The following SAMSN1 variants were observed in gnomAD, a reference collection of about 807,000 sequenced individuals.
SAMSN1 encodes the protein SAM domain-containing protein SAMSN-1.
SAMSN1 carries 31 observed loss-of-function variants against 42.0 expected under a neutral mutation model. The observed-to-expected ratio is 0.74, with a 90% CI of 0.55 to 1.00. SAMSN1 has a LOEUF of 1.00. Ranked by LOEUF, SAMSN1 falls within the 50% of genes least tolerant of loss-of-function variation. The pLI is 0.00. For missense variants in SAMSN1, 464 were observed against 439.4 expected (o/e 1.06, Z -0.50); for synonymous variants, 178 against 151.9 (o/e 1.17, Z -1.26).
intron 2 of SAMSN1, among the ~76,000 whole-genome samples, chr21:14,616,954 G>A (rs532687938): frequency 5.9e-5 from 9 of 152,136 alleles, no homozygotes; most frequent in Admixed American, 5.2e-4. Context: ...GATCGAAGGG[G>A]CCATTTATCT....
At chr21:14,623,197 AG>A (rs1460974241) in intron 2 of SAMSN1, among the ~76,000 whole-genome samples, 3 of 152,244 alleles carry the variant, frequency 2.0e-5, no homozygotes, top group Non-Finnish European at 2.9e-5. Flanking sequence ...AATGCTAGGA[AG>A]AAACTGCATC....
intron 2 of SAMSN1, among the ~76,000 whole-genome samples, chr21:14,620,002 A>C (rs1408035126): frequency 6.6e-6 from 1 of 151,538 alleles, no homozygotes; most frequent in Non-Finnish European, 1.5e-5. Context: ...ATCTTCTTAG[A>C]TTTTATGGCC....
intron 1 of SAMSN1, among the ~76,000 whole-genome samples, chr21:14,529,207 A>T (rs1415530299): frequency 1.3e-5 from 2 of 152,138 alleles, no homozygotes; most frequent in Non-Finnish European, 2.9e-5. Flanking sequence ...CACCTACTCA[A>T]ACCCAGCCCA....
In SAMSN1 at chr21:14,644,705, C is replaced by A. The variant is rs144261951; in HGVS notation, c.25-1572G>T. 3.1e-3 allele frequency among the ~76,000 whole-genome samples: 475 copies of A among 152,270 alleles called. 4 individuals are homozygous for A. The highest frequency in any genetic ancestry group is 0.011 in the African/African-American group (455 of 41,550). ...AGCACAGCCACATGGGGGTAGAGCA[C>A]TGACTGGGCTCTTGTAATCTCTTAT... On this transcript the variant is annotated intron_variant, in intron 1 of 15. Coordinates refer to the SAMSN1 transcript ENST00000647101.
chr21:14,610,738 G>T (rs978897727), intron 4 of SAMSN1, among the ~76,000 whole-genome samples: 1 of 152,098 alleles, frequency 6.6e-6, no homozygotes, highest in Admixed American at 6.5e-5. Flanking sequence ...TTGAATTATC[G>T]GTGGCGGGTT....
chr21:14,514,499 T>A lies in SAMSN1; in HGVS notation c.280-1926A>T, dbSNP rs560500889. On this transcript the variant is annotated intron_variant, in intron 3 of 7. Coordinates refer to ENST00000400566, the MANE Select transcript of SAMSN1 (RefSeq NM_022136.5). The stretch of plus-strand genomic sequence containing the variant: ...AGCAATTAGGGGATTATGATAGTAA[T>A]CCAGGAAAGAAAGGTTGGTTATTTA... Among the ~76,000 whole-genome samples the A allele has an allele frequency of 5.9e-5, 9 of 152,254 alleles. No homozygotes were observed. The South Asian group carries it at 1.9e-3, about 32-fold the overall frequency.
At position 14,498,516 on chromosome 21, in the gene SAMSN1, A is replaced by T. The variant is rs1451579573; in HGVS notation, c.845T>A (p.Ile282Asn). Reference sequence around the variant, plus strand: ...ATCTGGGTTTTCAATATTTAATTCAATGAGGTGACTCTCTTTTATATCTTT... The same window carrying T: ...ATCTGGGTTTTCAATATTTAATTCATTGAGGTGACTCTCTTTTATATCTTT... ...DLKDIKESHL[I>N]ELNIENPDDR... The change falls in exon 7 of 8, where the codon ATT becomes AAT. Residue 282 changes from isoleucine (I) to asparagine (N), a missense_variant. By Grantham distance (149) the Ile-to-Asn change is moderately radical. Transcript: ENST00000400566. The T allele has an allele frequency of 1.2e-6, 2 of 1,610,458 alleles. No individual in the cohort carries two copies. The highest frequency in any genetic ancestry group is 2.7e-5 in the African/African-American group (2 of 74,648).
chr21:14,595,615 C>T (rs758712195), intron 6 of SAMSN1, among the ~76,000 whole-genome samples: 5 of 152,044 alleles, frequency 3.3e-5, no homozygotes, highest in African/African-American at 4.8e-5. Flanking sequence ...TTATGACAAT[C>T]GCAAGAAGTT....
chr21:14,638,215 T>C (rs1323578984), intron 2 of SAMSN1, among the ~76,000 whole-genome samples: 4 of 152,216 alleles, frequency 2.6e-5, no homozygotes, highest in South Asian at 4.1e-4. Flanking sequence ...CCGGTAGCCA[T>C]GTTAAAGGAA....
At chr21:14,526,540 A>C (rs116953950) in intron 1 of SAMSN1, among the ~76,000 whole-genome samples, 1,732 of 152,340 alleles carry the variant, frequency 0.011, 17 homozygotes, top group Non-Finnish European at 0.018. Context: ...TTGCAAAACA[A>C]TCTTAATTAT....
intron 5 of SAMSN1, among the ~76,000 whole-genome samples, chr21:14,605,480 T>C (rs987584455): frequency 6.6e-6 from 1 of 152,216 alleles, no homozygotes; most frequent in Non-Finnish European, 1.5e-5. Context: ...TTTCTAAAAT[T>C]AAATGTGTGT....
At chr21:14,641,109 T>C (rs1191321590) in intron 2 of SAMSN1, among the ~76,000 whole-genome samples, 2 of 152,158 alleles carry the variant, frequency 1.3e-5, no homozygotes, top group East Asian at 3.8e-4. Context: ...ATTTGCATTG[T>C]CAATTGACAG....
At chr21:14,486,188 A>G in intron 7 of SAMSN1, 74 bp from the exon 8 acceptor site, 1 of 992,050 alleles carries the variant, frequency 1.0e-6, no homozygotes, top group Middle Eastern at 2.3e-4. Context: ...TTCACTTTCA[A>G]GTATTATCCT....
chr21:14,645,363 A>G (rs897944230), intron 1 of SAMSN1, among the ~76,000 whole-genome samples: 1 of 152,220 alleles, frequency 6.6e-6, no homozygotes, highest in Non-Finnish European at 1.5e-5. Flanking sequence ...AGAGAACAAG[A>G]GTCTCTGACT....
chr21:14,595,290 C>G (rs1429042424), intron 6 of SAMSN1, among the ~76,000 whole-genome samples: 1 of 152,090 alleles, frequency 6.6e-6, no homozygotes, highest in Non-Finnish European at 1.5e-5. Flanking sequence ...CATGAGGGCC[C>G]TCATGAATGG....
At chr21:14,590,869 A>C (rs1300666429) in intron 7 of SAMSN1, among the ~76,000 whole-genome samples, 13 of 152,204 alleles carry the variant, frequency 8.5e-5, no homozygotes. Context: ...TATTCTAAAA[A>C]GATAATTTTT....
Position 14,582,558 on chromosome 21 carries a change from T to C in SAMSN1, c.-92-70A>G. On this transcript the variant is annotated intron_variant, in intron 1 of 8. Transcript: ENST00000285670. ...CACATATAGGAATTATTCTTCCATT[T>C]ATATAAGAGAAATAAATACACTGCA... The C allele has an allele frequency of 8.1e-6, 5 of 617,540 alleles. No homozygotes were observed. In the South Asian group the frequency reaches 1.2e-4, roughly 15 times the overall value. 38.3% of individuals were successfully genotyped at this position (617,540 alleles called of 1,614,324 possible).
upstream of SAMSN1, chr21:14,658,861 T>C: frequency 2.9e-6 from 2 of 699,216 alleles, no homozygotes; most frequent in Non-Finnish European, 5.3e-6. Flanking sequence ...GTTTGGCCAG[T>C]TCTCATGGGA....
At chr21:14,537,926 T>G (rs569816773) in intron 1 of SAMSN1, among the ~76,000 whole-genome samples, 111 of 152,286 alleles carry the variant, frequency 7.3e-4, no homozygotes, top group Non-Finnish European at 6.8e-4. Flanking sequence ...CCACAGTGAG[T>G]AGCAAGTTCT....
Sources: gnomAD v4.1 joint callset for allele counts (sites outside exome capture counted in the v4.1 genomes callset) on GRCh38, gnomAD v4.1.1 for gene constraint, MANE v1.5 for transcripts, NCBI Gene and HGNC (gene_info 2026-07-23, HGNC 2026-07-21) for gene names.